The following CAMKMT variants were observed in gnomAD, a reference collection of about 807,000 sequenced individuals.
CAMKMT encodes the protein CaM KMT.
In CAMKMT, 53 loss-of-function variants were observed where a neutral mutation model predicts 48.0. The observed-to-expected ratio is 1.10, with a 90% confidence interval of 0.89 to 1.39. The LOEUF (loss-of-function observed/expected upper bound fraction) is 1.39, where lower values mean the gene tolerates loss of function less well. Ranked by LOEUF, CAMKMT falls within the 40% of genes most tolerant of loss-of-function variation. The probability of loss-of-function intolerance (pLI) is 0.00; values close to 1 mark genes in which losing one functional copy is unlikely to be tolerated. For synonymous variants in CAMKMT, 165 were observed against 152.3 expected (o/e 1.08, Z -0.61); for missense variants, 428 against 402.7 (o/e 1.06, Z -0.54).
chr2:44,493,547 C>CT (rs1200325969), intron 3 of CAMKMT, among the ~76,000 whole-genome samples: 1 of 152,024 alleles, frequency 6.6e-6, no homozygotes, highest in African/African-American at 2.4e-5. Flanking sequence ...AATGATTTTG[C>CT]TTTTTGTTTT....
intron 3 of CAMKMT, among the ~76,000 whole-genome samples, chr2:44,506,961 C>T (rs933175979): frequency 2.6e-5 from 4 of 152,012 alleles, no homozygotes; most frequent in South Asian, 2.1e-4. Flanking sequence ...CTCTTTAAAA[C>T]GTTTTAATTC....
At chr2:44,547,887 A>T (rs975659960) in intron 3 of CAMKMT, among the ~76,000 whole-genome samples, 1 of 152,182 alleles carries the variant, frequency 6.6e-6, no homozygotes, top group Non-Finnish European at 1.5e-5. Context: ...GCTGCAGTGG[A>T]AAGGGATCAT....
At chr2:44,449,876 A>C (rs758155387) in intron 3 of CAMKMT, among the ~76,000 whole-genome samples, 1 of 152,140 alleles carries the variant, frequency 6.6e-6, no homozygotes, top group Non-Finnish European at 1.5e-5. Flanking sequence ...ATTCAGTTCT[A>C]ATTTTTACAT....
chr2:44,454,346 A>G (rs1466266590), intron 3 of CAMKMT, among the ~76,000 whole-genome samples: 1 of 152,152 alleles, frequency 6.6e-6, no homozygotes, highest in Non-Finnish European at 1.5e-5. Flanking sequence ...ACTCAACGAA[A>G]TCTGGGTGAA....
intron 3 of CAMKMT, among the ~76,000 whole-genome samples, chr2:44,643,423 A>G (rs1202990862): frequency 2.0e-5 from 3 of 152,220 alleles, no homozygotes; most frequent in Admixed American, 6.5e-5. Flanking sequence ...TGAATGGAAT[A>G]TTGTGATAGG....
chr2:44,591,029 AT>A (rs1670232046), intron 3 of CAMKMT, among the ~76,000 whole-genome samples: 1 of 151,880 alleles, frequency 6.6e-6, no homozygotes, highest in Non-Finnish European at 1.5e-5. Flanking sequence ...CCCATTGCTT[AT>A]TTTTCTCAGG....
chr2:44,437,195 A>T (rs1461987850), intron 3 of CAMKMT, among the ~76,000 whole-genome samples: 1 of 152,188 alleles, frequency 6.6e-6, no homozygotes, highest in Non-Finnish European at 1.5e-5. Flanking sequence ...ATGGTTCTTT[A>T]TCCTTCTTAA....
chr2:44,413,667 A>G (rs929616323), intron 3 of CAMKMT, among the ~76,000 whole-genome samples: 9 of 151,400 alleles, frequency 5.9e-5, no homozygotes, highest in African/African-American at 1.9e-4. Flanking sequence ...AAAAAAAAAG[A>G]AAAGAAAAAG....
chr2:44,530,985 C>T (rs192983118), intron 3 of CAMKMT, among the ~76,000 whole-genome samples: 129 of 151,792 alleles, frequency 8.5e-4, no homozygotes, highest in South Asian at 1.9e-3. Context: ...TATGAACTTG[C>T]TGGGAGTCTG....
chr2:44,674,594 A>G (rs1192680070), intron 3 of CAMKMT, among the ~76,000 whole-genome samples: 1 of 152,188 alleles, frequency 6.6e-6, no homozygotes, highest in Non-Finnish European at 1.5e-5. Context: ...AACCTCAACC[A>G]AAGTGCCCTA....
At chr2:44,388,107 A>C (rs1428911406) in intron 2 of CAMKMT, among the ~76,000 whole-genome samples, 2 of 152,090 alleles carry the variant, frequency 1.3e-5, no homozygotes, top group Non-Finnish European at 2.9e-5. Flanking sequence ...TATTCCCCCA[A>C]ATATGTTTTC....
chr2:44,667,669 C>A (rs552618454), intron 3 of CAMKMT, among the ~76,000 whole-genome samples: 67 of 152,202 alleles, frequency 4.4e-4, no homozygotes, highest in Non-Finnish European at 8.5e-4. Flanking sequence ...CCTACCCCCG[C>A]AGTCATACCC....
chr2:44,552,820 CT>C (rs1173598417), intron 3 of CAMKMT, among the ~76,000 whole-genome samples: 5 of 151,862 alleles, frequency 3.3e-5, no homozygotes, highest in Non-Finnish European at 7.4e-5. Flanking sequence ...GGGCTATTTA[CT>C]TTATTTATTT....
chr2:44,547,659 C>T (rs964442029), intron 3 of CAMKMT, among the ~76,000 whole-genome samples: 1 of 152,096 alleles, frequency 6.6e-6, no homozygotes, highest in Non-Finnish European at 1.5e-5. Flanking sequence ...GTCTTGGGGT[C>T]TGGAATACCC....
In CAMKMT at chr2:44,657,438, T is replaced by C. The variant is rs376880962; in HGVS notation, c.377-46845T>C. On this transcript the variant is annotated intron_variant, in intron 3 of 10. Coordinates refer to ENST00000378494, the MANE Select transcript of CAMKMT (RefSeq NM_024766.5). The surrounding 1 kb of genome is among the most constrained non-coding windows in gnomAD (Gnocchi z 4.3). The stretch of plus-strand genomic sequence containing the variant: ...TTCAGAATGACTCTTCCACCCTCCC[T>C]ATGAAAGGATTGGCAGATCAGAAAT... 4.6e-5 allele frequency among the ~76,000 whole-genome samples: 7 copies of C among 152,208 alleles called. No individual in the cohort carries two copies. The East Asian group carries it at 1.3e-3, about 29-fold the overall frequency.
chr2:44,707,995 A>T (rs897321990), intron 6 of CAMKMT, among the ~76,000 whole-genome samples: 8 of 152,148 alleles, frequency 5.3e-5, no homozygotes, highest in African/African-American at 1.7e-4. Flanking sequence ...TTAGGATTAT[A>T]CAAGCTATCT....
chr2:44,514,810 T>G lies in CAMKMT; in HGVS notation c.376+124505T>G, dbSNP rs867546848. Among the ~76,000 whole-genome samples, 4 of 152,356 alleles carry G rather than the reference T, an allele frequency of 2.6e-5. No individual in the cohort carries two copies. In the Middle Eastern group the frequency reaches 0.01, roughly 389 times the overall value. On this transcript the variant is annotated intron_variant, in intron 3 of 10. Transcript: ENST00000378494. The stretch of plus-strand genomic sequence containing the variant: ...AACGGTTGTTGCTATAGCAATGATA[T>G]TCGTGCCTAGATTCTTCCCCATATC...
chr2:44,650,105 A>C (rs1420203144), intron 3 of CAMKMT, among the ~76,000 whole-genome samples: 1 of 152,256 alleles, frequency 6.6e-6, no homozygotes, highest in Non-Finnish European at 1.5e-5. Context: ...TACCTAAAAC[A>C]ACAAAATTAT....
intron 1 of CAMKMT, chr2:44,369,711 A>G (rs760891406): frequency 1.3e-5 from 2 of 152,202 alleles, no homozygotes; most frequent in Non-Finnish European, 2.9e-5. Context: ...TGCCATAACT[A>G]TAGATTCTAG....
Sources: gnomAD v4.1 joint callset for allele counts (sites outside exome capture counted in the v4.1 genomes callset) on GRCh38, gnomAD v4.1.1 for gene constraint, Gnocchi (gnomAD v3.1) non-coding constraint, MANE v1.5 for transcripts, NCBI Gene and HGNC (gene_info 2026-07-23, HGNC 2026-07-21) for gene names.